IDUA: variants seen among roughly 807,000 people sequenced by gnomAD.
The protein encoded by IDUA is iduronidase alpha-L-.
In IDUA, 65 loss-of-function variants were observed where a neutral mutation model predicts 68.9. That is an observed-to-expected ratio of 0.94 (90% CI 0.77 to 1.16). The LOEUF is 1.16. IDUA is among the 50% of genes most tolerant of loss of function. The pLI is 0.00. For missense variants in IDUA, 1,046 were observed against 938.0 expected, an observed-to-expected ratio of 1.12 and a Z score of -1.50; for synonymous variants, 529 against 433.6, an observed-to-expected ratio of 1.22 and a Z score of -2.73.
intron 2 of IDUA, among the ~76,000 whole-genome samples, chr4:993,622 C>A (rs938511551): frequency 6.7e-6 from 1 of 149,734 alleles, no homozygotes; most frequent in Admixed American, 6.6e-5. Context: ...TGTGGCTCTG[C>A]GGCCCTGCCG....
chr4:992,939 G>C (rs1026410194), intron 2 of IDUA: 2 of 152,272 alleles, frequency 1.3e-5, no homozygotes, highest in African/African-American at 4.8e-5. Flanking sequence ...TTGCACGCTG[G>C]CCCAGGGTGT....
chr4:995,932 G>A (rs1032054364), intron 2 of IDUA, among the ~76,000 whole-genome samples: 2 of 151,966 alleles, frequency 1.3e-5, no homozygotes, highest in Non-Finnish European at 2.9e-5. Flanking sequence ...GAATGCTCCA[G>A]GGTCTCGTAC....
intron 2 of IDUA, chr4:990,320 G>A (rs779458377): frequency 1.2e-6 from 2 of 1,605,028 alleles, no homozygotes; most frequent in South Asian, 1.1e-5. Context: ...GGCTGTGAGA[G>A]GTAGGCGGAC....
intron 2 of IDUA, chr4:991,639 G>A: frequency 1.9e-6 from 3 of 1,559,742 alleles, no homozygotes; most frequent in Non-Finnish European, 2.6e-6. Flanking sequence ...CCGGGGTGCT[G>A]GGCGCTGCCG....
At chr4:1,001,426 G>A (rs1344732123) in intron 4 of IDUA, 42 bp from the exon 5 acceptor site, 33 of 1,549,808 alleles carry the variant, frequency 2.1e-5, no homozygotes, top group African/African-American at 6.8e-5. Flanking sequence ...TCACTGAGGC[G>A]AGATTCACCT....
rs762623046 is a variant in IDUA, at chr4:1,001,471, G to C, written c.497G>C (p.Arg166Thr). ...GGACAGCAAGGCTCCTCTGCAGGTAGGTACGGACTGGCGCATGTTTCCAAG... is the reference window on the plus strand; with the variant it reads ...GGACAGCAAGGCTCCTCTGCAGGTACGTACGGACTGGCGCATGTTTCCAAG... The part of the protein sequence containing the change: ...VSSLARRYIG[R>T]YGLAHVSKWN... The change falls in exon 5 of 14, where the codon AGG (arginine) becomes ACG (threonine). Residue 166 changes from arginine (R) to threonine (T), a missense_variant. Transcript: ENST00000514224. 6.2e-6 allele frequency: 10 copies of C among 1,612,964 alleles called. No homozygotes were observed. In the South Asian group the frequency reaches 8.8e-5, roughly 14 times the overall value.
chr4:989,331 G>A (rs1169835922), intron 2 of IDUA: 11 of 1,607,376 alleles, frequency 6.8e-6, no homozygotes, highest in African/African-American at 2.7e-5. Flanking sequence ...ACACCCGCAC[G>A]CCGGGCTCAG....
chr4:995,541 G>C (rs1714695418), intron 2 of IDUA, among the ~76,000 whole-genome samples: 1 of 152,216 alleles, frequency 6.6e-6, no homozygotes, highest in African/African-American at 2.4e-5. Flanking sequence ...GGGCTGGAAG[G>C]CCAACCCGGC....
In IDUA at chr4:994,420, C is replaced by T. The variant is rs376151753; in HGVS notation, c.300-6192C>T. ...CCTCCTGAGTAGCTGGGACTACAGGCGCCCGCCACCGCGCCCGGCTAATTT... is the reference window on the plus strand; with the variant it reads ...CCTCCTGAGTAGCTGGGACTACAGGTGCCCGCCACCGCGCCCGGCTAATTT... On this transcript the variant is annotated intron_variant, in intron 2 of 13. Coordinates refer to ENST00000514224, the MANE Select transcript of IDUA (RefSeq NM_000203.5). 1.4e-3 allele frequency among the ~76,000 whole-genome samples: 217 copies of T among 151,678 alleles called. 7 individuals are homozygous for T. In the East Asian group the frequency reaches 0.037, roughly 26 times the overall value.
intron 2 of IDUA, among the ~76,000 whole-genome samples, chr4:997,391 C>T (rs1039153620): frequency 4.0e-5 from 6 of 150,094 alleles, no homozygotes; most frequent in Non-Finnish European, 8.9e-5. Context: ...CGCGCGGTCT[C>T]CCCCCACCGC....
intron 2 of IDUA, among the ~76,000 whole-genome samples, chr4:994,569 C>T (rs867287137): frequency 3.6e-4 from 55 of 151,786 alleles, no homozygotes; most frequent in African/African-American, 1.3e-3. Context: ...TCCCGAGTAG[C>T]TGGGACTACA....
intron 8 of IDUA, 53 bp downstream of exon 8, chr4:1,002,538 G>C (rs1715159571): frequency 1.4e-6 from 2 of 1,406,062 alleles, no homozygotes; most frequent in Admixed American, 3.0e-5. Context: ...GCTGGGGAGC[G>C]GCTCCTGCGA....
In IDUA at chr4:987,853, G is replaced by A. The variant is rs754212720; in HGVS notation, c.203G>A (p.Trp68Ter). ...HSQADQYVLS[W>*]DQQLNLAYVG... ...CAGGCTGACCAGTACGTCCTCAGCT[G>A]GGACCAGCAGCTCAACCTCGCCTAT... Residue 68 changes from tryptophan (W) to a stop codon, truncating the protein, a stop_gained, in exon 2 of 14, where the codon TGG becomes TAG. Coordinates refer to ENST00000514224, the MANE Select transcript of IDUA (RefSeq NM_000203.5). LOFTEE classifies it high-confidence loss of function. The A allele has an allele frequency of 6.2e-7, 1 of 1,612,480 alleles. No homozygotes were observed. The highest frequency in any genetic ancestry group is 1.1e-5 in the South Asian group (1 of 91,060).
In IDUA at chr4:989,327, G is replaced by A. The variant is rs143381873; in HGVS notation, c.299+1378G>A. Reference sequence around the variant, plus strand: ...AGCGGCCCCCCAAAGCGGAACACCCGCACGCCGGGCTCAGGGACGAGGCCC... The same window carrying A: ...AGCGGCCCCCCAAAGCGGAACACCCACACGCCGGGCTCAGGGACGAGGCCC... On this transcript the variant is annotated intron_variant, in intron 2 of 13. Coordinates refer to ENST00000514224, the MANE Select transcript of IDUA (RefSeq NM_000203.5). 181 of 1,608,198 alleles carry A rather than the reference G, an allele frequency of 1.1e-4. 1 individual carries two copies. In the East Asian group the frequency reaches 2.7e-3, roughly 24 times the overall value.
intron 2 of IDUA, chr4:990,143 T>C: frequency 1.3e-6 from 2 of 1,568,126 alleles, no homozygotes; most frequent in Non-Finnish European, 1.7e-6. Flanking sequence ...ACCGTGCTGG[T>C]GACCACGTCG....
Position 990,375 on chromosome 4 carries a change from T to C in IDUA, c.299+2426T>C, listed in dbSNP as rs750809401. The C allele has an allele frequency of 8.2e-6, 13 of 1,580,406 alleles. No individual in the cohort carries two copies. The highest frequency in any genetic ancestry group is 9.5e-6 in the Non-Finnish European group (11 of 1,163,242). ...CGCCCATGAGGACCTGTGGACGGAG[T>C]GCGGTCAGGCCAGCAGGCGCCTGGC... On this transcript the variant is annotated intron_variant, in intron 2 of 13. Coordinates refer to ENST00000514224, the MANE Select transcript of IDUA (RefSeq NM_000203.5).
In IDUA at chr4:987,160, G is replaced by A. The variant is rs746809894; in HGVS notation, c.76G>A (p.Ala26Thr). Residue 26 changes from alanine to threonine, a missense_variant, in exon 1 of 14, where the codon GCC becomes ACC. Transcript: ENST00000514224. ...CCTGGCCGCGCCCCCGGTGGCCCCG[G>A]CCGAGGCCCCGCACCTGGTGCATGT... ...SLLAAPPVAP[A>T]EAPHLVHVDA... 2.0e-4 allele frequency: 281 copies of A among 1,431,084 alleles called. 2 individuals are homozygous for A. The East Asian group carries it at 5.0e-3, about 25-fold the overall frequency. The allele number at this position is 1,431,084 out of a possible 1,614,324, so 88.6% of individuals were successfully genotyped here. A position where few individuals can be genotyped will look rare whatever the true frequency, so the allele number is the denominator to read the frequency against.
chr4:987,609 T>G, intron 1 of IDUA, 200 bp from the exon 2 acceptor site: 1 of 1,435,796 alleles, frequency 7.0e-7, no homozygotes, highest in South Asian at 1.5e-5. Context: ...CGTTGGCCCC[T>G]CGTCTTACTG....
intron 2 of IDUA, chr4:988,540 T>G: frequency 8.1e-7 from 1 of 1,234,320 alleles, no homozygotes; most frequent in African/African-American, 1.6e-5. Flanking sequence ...ACCCTGAGCG[T>G]CAGGTCAGGC....
Sources: gnomAD v4.1 joint callset for allele counts (sites outside exome capture counted in the v4.1 genomes callset) on GRCh38, gnomAD v4.1.1 for gene constraint, MANE v1.5 for transcripts, NCBI Gene and HGNC (gene_info 2026-07-23, HGNC 2026-07-21) for gene names.